The following DNAH5 variants were observed in gnomAD, a reference collection of about 807,000 sequenced individuals.
DNAH5 encodes dynein axonemal heavy chain 5, also known as axonemal beta dynein heavy chain 5.
In DNAH5, 372 loss-of-function variants were observed where a neutral mutation model predicts 518.2. The observed-to-expected ratio is 0.72, with a 90% CI of 0.66 to 0.78. The LOEUF (loss-of-function observed/expected upper bound fraction) is 0.78. DNAH5 is among the 30% of genes least tolerant of loss of function. The probability of loss-of-function intolerance (pLI) is 0.00; values close to 1 mark genes in which losing one functional copy is unlikely to be tolerated. For missense variants in DNAH5, 5,523 were observed against 5,687.0 expected (o/e 0.97, Z 0.93); for synonymous variants, 2,039 against 2,025.9 (o/e 1.01, Z -0.17).
At chr5:13,813,599 T>C (rs910522323) in intron 43 of DNAH5, among the ~76,000 whole-genome samples, 1 of 152,334 alleles carries the variant, frequency 6.6e-6, no homozygotes, top group African/African-American at 2.4e-5. Context: ...CCTCTGCTTT[T>C]ATTCTCCTTA....
rs143784261 is a variant in DNAH5 at position 13,891,386 on chromosome 5, T to C, written c.2432-265A>G. ...AATTTGATTATGATCATTCTTATTA[T>C]AAAGTTTTTATACATTTTATAAATG... On this transcript the variant is annotated intron_variant, in intron 16 of 78. Coordinates refer to ENST00000265104, the MANE Select transcript of DNAH5 (RefSeq NM_001369.3). Among the ~76,000 whole-genome samples the C allele has an allele frequency of 6.3e-3, 957 of 152,350 alleles. 3 individuals carry two copies. Among genetic ancestry groups the C allele is most frequent in the East Asian group, 0.022 (115 of 5,188 alleles).
intron 11 of DNAH5, 77 bp from the exon 12 acceptor site, chr5:13,911,570 G>C: frequency 2.7e-6 from 3 of 1,132,072 alleles, no homozygotes; most frequent in South Asian, 2.6e-5. Flanking sequence ...CTTAAATGTA[G>C]AGCCTATACA....
At chr5:13,916,686 C>A (rs933042720) in intron 8 of DNAH5, among the ~76,000 whole-genome samples, 1 of 151,852 alleles carries the variant, frequency 6.6e-6, no homozygotes, top group Non-Finnish European at 1.5e-5. Context: ...CTGTTAATGA[C>A]AAGCAACAGC....
chr5:13,794,006 G>A lies in DNAH5; in HGVS notation c.7940C>T (p.Pro2647Leu), dbSNP rs756865161. Residue 2647 changes from proline to leucine, a missense_variant, in exon 48 of 79, where the codon CCT (proline) becomes CTT (leucine). Pro to Leu is a moderately conservative substitution (Grantham distance 98). This residue lies in a region of DNAH5 where 5,121 missense variants were observed against 5,223.3 expected (regional missense o/e 0.98). Coordinates refer to ENST00000265104, the MANE Select transcript of DNAH5 (RefSeq NM_001369.3). The part of the protein sequence containing the change: ...DKRMGTTYGP[P>L]AGKKMTVFID... ...AAAAACAGTCATCTTCTTTCCCGCA[G>A]GAGGGCCATATGTTGTACCCATTCG... is the stretch of plus-strand genomic sequence containing the variant. The A allele has an allele frequency of 5.6e-6, 9 of 1,613,930 alleles. No homozygotes were observed. The highest frequency in any genetic ancestry group is 1.3e-5 in the African/African-American group (1 of 74,880).
In DNAH5 at chr5:13,769,520, G is replaced by A. The variant is rs1412164638; in HGVS notation, c.9701C>T (p.Ala3234Val). The A allele has an allele frequency of 1.2e-6, 2 of 1,613,948 alleles. No individual in the cohort carries two copies. Among genetic ancestry groups the A allele is most frequent in the African/African-American group, 1.3e-5 (1 of 75,024 alleles). ...ACCCACCATGTCGGCTTTATCGTTG[G>A]CCACTTGTAGCTCCTTTTCTTTCGC... Reference protein sequence around the residue: ...LEAKEKELQVANDKADMVLKE... With the variant: ...LEAKEKELQVVNDKADMVLKE... Residue 3234 changes from alanine (A) to valine (V), a missense_variant, in exon 57 of 79, where the codon GCC becomes GTC. By Grantham distance (64) the Ala-to-Val change is moderately conservative (BLOSUM62 0). This residue lies in a region of DNAH5 where 5,121 missense variants were observed against 5,223.3 expected (regional missense o/e 0.98). Transcript: ENST00000265104.
At chr5:13,978,813 A>G (rs1329895303) in intron 1 of DNAH5, among the ~76,000 whole-genome samples, 2 of 152,192 alleles carry the variant, frequency 1.3e-5, no homozygotes, top group Non-Finnish European at 2.9e-5. Context: ...GTAATGGCAC[A>G]TTTATCAGAA....
At position 13,780,985 on chromosome 5, in the gene DNAH5, G is replaced by C. The variant is rs759934829; in HGVS notation, c.8821-26C>G. ...CTGTAATATGGAACAGAAAAAGTAT[G>C]TATCTTTCAACATGTAAATGTTCTA... On this transcript the variant is annotated intron_variant, in intron 52 of 78. Coordinates refer to ENST00000265104, the MANE Select transcript of DNAH5 (RefSeq NM_001369.3). 2.5e-6 allele frequency: 4 copies of C among 1,611,422 alleles called. No individual in the cohort carries two copies. The Admixed American group carries it at 6.7e-5, about 27-fold the overall frequency.
chr5:13,939,919 C>T (rs1779304242), intron 1 of DNAH5, among the ~76,000 whole-genome samples: 2 of 152,160 alleles, frequency 1.3e-5, no homozygotes, highest in Non-Finnish European at 1.5e-5. Context: ...ACAAGAGCCA[C>T]GCTTTCCCTC....
chr5:13,984,645 G>C (rs1782907887), intron 1 of DNAH5, among the ~76,000 whole-genome samples: 1 of 152,208 alleles, frequency 6.6e-6, no homozygotes. Context: ...TGCCCATTCA[G>C]TATGATATTG....
In DNAH5 at chr5:13,729,552, A is replaced by T. The variant is rs1308828641; in HGVS notation, c.11770T>A (p.Ser3924Thr). Residue 3924 changes from serine (S) to threonine (T), a missense_variant, in exon 69 of 79, where the codon TCA becomes ACA. Transcript: ENST00000265104. ...GGAGGACAAGCTTTAAGGTCTAATG[A>T]GGCACCTCCTTTAAAATTAAATATT... ...EFLTLIKGGASLDLKACPPKP... is the reference protein window; with the variant it reads ...EFLTLIKGGATLDLKACPPKP... The T allele has an allele frequency of 2.5e-6, 4 of 1,611,958 alleles. No individual in the cohort carries two copies. Among genetic ancestry groups the T allele is most frequent in the Non-Finnish European group, 3.4e-6 (4 of 1,178,628 alleles).
At chr5:13,999,762 C>G (rs932502358) in intron 1 of DNAH5, among the ~76,000 whole-genome samples, 19 of 152,158 alleles carry the variant, frequency 1.2e-4, no homozygotes, top group Admixed American at 2.0e-4. Flanking sequence ...TTTTTAAGAA[C>G]CTCCATACTG....
Position 13,901,294 on chromosome 5 carries a change from G to A in DNAH5, c.2010C>T (p.Leu670=). The part of the protein sequence containing the change: ...IRSYNRMAKV[L]LEFEVLFHRA... ...TGTGGAAGAGGACCTCAAACTCCAG[G>A]AGGACCTTGGCCATCCTGTTGTAAC... Residue 670 remains leucine, a synonymous_variant, in exon 14 of 79, where the codon CTC becomes CTT. Coordinates refer to ENST00000265104, the MANE Select transcript of DNAH5 (RefSeq NM_001369.3). 6.2e-7 allele frequency: 1 copy of A among 1,614,144 alleles called. No individual in the cohort carries two copies.
At chr5:13,843,743 C>T (rs1442522328) in intron 32 of DNAH5, among the ~76,000 whole-genome samples, 2 of 152,204 alleles carry the variant, frequency 1.3e-5, no homozygotes, top group African/African-American at 2.4e-5. Flanking sequence ...TCTTCACCTG[C>T]AAGGTTATAT....
intron 66 of DNAH5, among the ~76,000 whole-genome samples, chr5:13,736,723 G>A (rs180957081): frequency 2.0e-5 from 3 of 152,096 alleles, no homozygotes; most frequent in Admixed American, 6.6e-5. Context: ...AACCATGCCC[G>A]GCCGATTATT....
intron 1 of DNAH5, among the ~76,000 whole-genome samples, chr5:13,986,053 G>A (rs1783032627): frequency 6.6e-6 from 1 of 152,188 alleles, no homozygotes; most frequent in African/African-American, 2.4e-5. Flanking sequence ...TCCTTGGCCT[G>A]GATCATGACC....
chr5:13,822,862 G>C (rs1762407757), intron 40 of DNAH5, among the ~76,000 whole-genome samples: 1 of 152,052 alleles, frequency 6.6e-6, no homozygotes. Context: ...GAAGCCACAT[G>C]AGATCACTGC....
chr5:13,944,855 T>A (rs1266344902), upstream of DNAH5, among the ~76,000 whole-genome samples: 1 of 152,228 alleles, frequency 6.6e-6, no homozygotes, highest in Admixed American at 6.5e-5. Context: ...GATATCTAAA[T>A]AGTTTCTTTG....
intron 12 of DNAH5, among the ~76,000 whole-genome samples, chr5:13,906,243 T>C (rs2151969774): frequency 6.6e-6 from 1 of 152,270 alleles, no homozygotes; most frequent in African/African-American, 2.4e-5. Flanking sequence ...AGCCCTAATG[T>C]AAACTGTGGA....
rs776071414 is a variant in DNAH5, at chr5:13,807,599, T to C, written c.7879A>G (p.Met2627Val). Reference sequence around the variant, plus strand: ...TACCAAAGAGCCAGTACCTGGAACATCAGTGGGGTGGTTGCAGAAGAAAAA... The same window carrying C: ...TACCAAAGAGCCAGTACCTGGAACACCAGTGGGGTGGTTGCAGAAGAAAAA... ...LNFSSATTPL[M>V]FQRTIESYVD... Residue 2627 changes from methionine to valine, a missense_variant, in exon 47 of 79, where the codon ATG (methionine) becomes GTG (valine). Met to Val is a conservative substitution (Grantham distance 21). Transcript: ENST00000265104. 1 of 1,613,708 alleles carries C rather than the reference T, an allele frequency of 6.2e-7. No homozygotes were observed. The highest frequency in any genetic ancestry group is 1.1e-5 in the South Asian group (1 of 90,986).
Sources: allele counts gnomAD v4.1 joint callset (sites outside exome capture counted in the v4.1 genomes callset), GRCh38; gene constraint gnomAD v4.1.1; regional missense constraint gnomAD v4.1.1; transcripts MANE v1.5; gene names NCBI Gene and HGNC (gene_info 2026-07-23, HGNC 2026-07-21).